The following DPYSL4 variants were observed in gnomAD, a reference collection of about 807,000 sequenced individuals.
DPYSL4 encodes the protein dihydropyrimidinase-related protein 4.
Under a neutral mutation model 63.4 loss-of-function variants are expected in DPYSL4, and 43 were observed. The observed-to-expected ratio is 0.68, with a 90% confidence interval of 0.53 to 0.88. The LOEUF (loss-of-function observed/expected upper bound fraction) is 0.88. DPYSL4 is among the 40% of genes least tolerant of loss of function. The probability of loss-of-function intolerance (pLI) is 0.00; values close to 1 mark genes in which losing one functional copy is unlikely to be tolerated. For synonymous variants in DPYSL4, 353 were observed against 331.7 expected, an observed-to-expected ratio of 1.06 and a Z score of -0.70; for missense variants, 733 against 819.5, an observed-to-expected ratio of 0.89 and a Z score of 1.29.
chr10:132,205,048 G>A lies in DPYSL4; in HGVS notation c.*118G>A. The A allele has an allele frequency of 5.2e-6, 4 of 775,562 alleles. No individual in the cohort carries two copies. The highest frequency in any genetic ancestry group is 7.8e-6 in the Non-Finnish European group (4 of 513,658). 48.0% of individuals were successfully genotyped at this position (775,562 alleles called of 1,614,324 possible). A position where few individuals can be genotyped will look rare whatever the true frequency, so the allele number is the denominator to read the frequency against. On this transcript the variant is annotated 3_prime_UTR_variant, in exon 14 of 14. Coordinates refer to ENST00000338492, the MANE Select transcript of DPYSL4 (RefSeq NM_006426.3). ...TAGAAGTTTCTCGAAGGTGCTTGGC[G>A]GTCTTGCCTTCCCCCTCCCCACAGG... is the stretch of plus-strand genomic sequence containing the variant.
At chr10:132,191,401 G>A (rs1481997689) in intron 2 of DPYSL4, among the ~76,000 whole-genome samples, 3 of 118,316 alleles carry the variant, frequency 2.5e-5, no homozygotes, top group African/African-American at 3.1e-5. Flanking sequence ...ATCCAGGCAG[G>A]TGCAAATAGT....
intron 12 of DPYSL4, chr10:132,203,521 A>C (rs561510078): frequency 3.9e-5 from 21 of 543,908 alleles, no homozygotes; most frequent in African/African-American, 3.2e-4. Flanking sequence ...ACACATGCAG[A>C]TGGGACCGCA....
chr10:132,205,571 A>AGTT lies in DPYSL4; in HGVS notation c.*642_*644dup, dbSNP rs2062086648. The AGTT allele has an allele frequency of 6.6e-6, 1 of 152,496 alleles. No individual in the cohort carries two copies. The highest frequency in any genetic ancestry group is 1.5e-5 in the Non-Finnish European group (1 of 68,122). 9.4% of individuals were successfully genotyped at this position (152,496 alleles called of 1,614,324 possible). ...CTTCCATGTAGCCCTCATCCAGGGA[A>AGTT]GTTTTGCGATCCTTTAGGAAGACAC... On this transcript the variant is annotated 3_prime_UTR_variant, in exon 14 of 14. Coordinates refer to ENST00000338492, the MANE Select transcript of DPYSL4 (RefSeq NM_006426.3).
rs1237967292 is a variant in DPYSL4 at position 132,201,131 on chromosome 10, C to T, written c.1110+148C>T. The T allele has an allele frequency of 2.5e-6, 3 of 1,198,230 alleles. No homozygotes were observed. The East Asian group carries it at 7.8e-5, about 31-fold the overall frequency. 74.2% of individuals were successfully genotyped at this position (1,198,230 alleles called of 1,614,324 possible). On this transcript the variant is annotated intron_variant, in intron 10 of 13. Coordinates refer to ENST00000338492, the MANE Select transcript of DPYSL4 (RefSeq NM_006426.3). The stretch of plus-strand genomic sequence containing the variant: ...GCTCCGGGGTGGCGGATTCCCCACC[C>T]AGGGCGCCTCAGACACGTGGTTCTG...
At position 132,187,015 on chromosome 10, in the gene DPYSL4, C is replaced by CCCCCTTT; in HGVS notation, c.-48_-47insCCCTTTC. On this transcript the variant is annotated 5_prime_UTR_variant, in exon 1 of 14. Transcript: ENST00000338492. Reference sequence around the variant, plus strand: ...CGCGTCCCCCCGCCCGCCCGCCCGCCCGCCCGCCCCCGCTTGTGCCGCCCC... The same window carrying CCCCCTTT: ...CGCGTCCCCCCGCCCGCCCGCCCGCCCCCCTTTCGCCCGCCCCCGCTTGTGCCGCCCC... 1 of 221,846 alleles carries CCCCCTTT rather than the reference C, an allele frequency of 4.5e-6. No individual in the cohort carries two copies. The highest frequency in any genetic ancestry group is 9.1e-5 in the South Asian group (1 of 11,044). 13.7% of individuals were successfully genotyped at this position (221,846 alleles called of 1,614,324 possible).
chr10:132,195,774 C>T (rs2061935002), intron 4 of DPYSL4, among the ~76,000 whole-genome samples: 1 of 152,262 alleles, frequency 6.6e-6, no homozygotes, highest in Admixed American at 6.5e-5. Flanking sequence ...TCCTCAGTCC[C>T]TGGGCCTCAC....
chr10:132,204,518 G>A (rs557864120), intron 13 of DPYSL4, among the ~76,000 whole-genome samples: 4 of 152,296 alleles, frequency 2.6e-5, no homozygotes, highest in African/African-American at 9.6e-5. Context: ...GGAGGCCAGG[G>A]GCAGCCTTTC....
In DPYSL4 at chr10:132,187,110, C is replaced by G. The variant is rs1315269758; in HGVS notation, c.39+8C>G. 2 of 1,528,752 alleles carry G rather than the reference C, an allele frequency of 1.3e-6. No individual in the cohort carries two copies. The highest frequency in any genetic ancestry group is 1.8e-6 in the Non-Finnish European group (2 of 1,133,398). 94.7% of individuals were successfully genotyped at this position (1,528,752 alleles called of 1,614,324 possible). A position where few individuals can be genotyped will look rare whatever the true frequency, so the allele number is the denominator to read the frequency against. ...AGCATCCCCCGGATCACGGTGAGCC[C>G]GGTCCCGCTTCGCCCGGCGCCCCCT... is the stretch of plus-strand genomic sequence containing the variant. On this transcript the variant is annotated splice_region_variant and intron_variant, in intron 1 of 13. Coordinates refer to ENST00000338492, the MANE Select transcript of DPYSL4 (RefSeq NM_006426.3).
At position 132,202,776 on chromosome 10, in the gene DPYSL4, G is replaced by T; in HGVS notation, c.1412G>T (p.Arg471Leu). ...CCGGGGGCGGGCCGCTTCGTCCCTC[G>T]GAAAACATTCCCGGACTTTGTCTAC... Reference protein sequence around the residue: ...VTPGAGRFVPRKTFPDFVYKR... With the variant: ...VTPGAGRFVPLKTFPDFVYKR... Residue 471 changes from arginine to leucine, a missense_variant, in exon 12 of 14, where the codon CGG (arginine) becomes CTG (leucine). Coordinates refer to ENST00000338492, the MANE Select transcript of DPYSL4 (RefSeq NM_006426.3). The T allele has an allele frequency of 1.2e-6, 2 of 1,611,736 alleles. No individual in the cohort carries two copies. Among genetic ancestry groups the T allele is most frequent in the Non-Finnish European group, 1.7e-6 (2 of 1,179,214 alleles).
In DPYSL4 at chr10:132,203,858, G is replaced by A. The variant is rs368715006; in HGVS notation, c.1558G>A (p.Ala520Thr). 5.1e-5 allele frequency: 82 copies of A among 1,613,028 alleles called. No individual in the cohort carries two copies. Among genetic ancestry groups the A allele is most frequent in the South Asian group, 8.8e-5 (8 of 91,068 alleles). Reference sequence around the variant, plus strand: ...GCCAGGGAGTGGCGCTCCGGCCCGCGCGTCCTGCCCAGGCAAGATCTCCGT... The same window carrying A: ...GCCAGGGAGTGGCGCTCCGGCCCGCACGTCCTGCCCAGGCAAGATCTCCGT... Reference protein sequence around the residue: ...AKPGSGAPARASCPGKISVPP... With the variant: ...AKPGSGAPARTSCPGKISVPP... The change falls in exon 13 of 14, where the codon GCG becomes ACG. Residue 520 changes from alanine to threonine, a missense_variant. By Grantham distance (58) the Ala-to-Thr change is moderately conservative (BLOSUM62 0). Coordinates refer to ENST00000338492, the MANE Select transcript of DPYSL4 (RefSeq NM_006426.3).
chr10:132,202,176 C>T, intron 11 of DPYSL4, 60 bp downstream of exon 11: 1 of 1,570,106 alleles, frequency 6.4e-7, no homozygotes, highest in Non-Finnish European at 8.6e-7. Flanking sequence ...CCCAGGGCAG[C>T]CTTCCCAGGA....
At position 132,200,364 on chromosome 10, in the gene DPYSL4, G is replaced by C; in HGVS notation, c.820G>C (p.Val274Leu). Residue 274 changes from valine (V) to leucine (L), a missense_variant, in exon 9 of 14, where the codon GTG (valine) becomes CTG (leucine). Val to Leu is a conservative substitution (Grantham distance 32). Transcript: ENST00000338492. ...IAQAKRRGVV[V>L]FGEPITASLG... ...TGGGCCTCGTGCTGCAGGGGTGGTC[G>C]TGTTTGGGGAGCCCATCACCGCCAG... The C allele has an allele frequency of 6.2e-7, 1 of 1,613,222 alleles. No individual in the cohort carries two copies. The highest frequency in any genetic ancestry group is 8.5e-7 in the Non-Finnish European group (1 of 1,179,852).
chr10:132,202,898 C>T, intron 12 of DPYSL4, 73 bp downstream of exon 12: 1 of 1,498,242 alleles, frequency 6.7e-7, no homozygotes, highest in Non-Finnish European at 8.9e-7. Context: ...GAACGCACCC[C>T]TGGTCAACCT....
intron 11 of DPYSL4, among the ~76,000 whole-genome samples, 177 bp from the exon 12 acceptor site, chr10:132,202,469 A>AG (rs554678744): frequency 3.9e-5 from 6 of 152,186 alleles, no homozygotes; most frequent in East Asian, 1.9e-4. Flanking sequence ...CCGTAGGCCG[A>AG]GGGGGGGCAT....
chr10:132,201,001 C>CG lies in DPYSL4; in HGVS notation c.1110+22dup, dbSNP rs35514967. 1 of 1,610,738 alleles carries CG rather than the reference C, an allele frequency of 6.2e-7. No individual in the cohort carries two copies. Among genetic ancestry groups the CG allele is most frequent in the Non-Finnish European group, 8.5e-7 (1 of 1,178,762 alleles). ...AATGTGTGGTGAGCACAGGCCTGGC[C>CG]GGGGCACGCCGTCTGGGGAGCGGCT... On this transcript the variant is annotated intron_variant, in intron 10 of 13. Coordinates refer to ENST00000338492, the MANE Select transcript of DPYSL4 (RefSeq NM_006426.3).
intron 11 of DPYSL4, 100 bp downstream of exon 11, chr10:132,202,216 C>G: frequency 6.9e-7 from 1 of 1,451,504 alleles, no homozygotes; most frequent in Non-Finnish European, 9.2e-7. Flanking sequence ...CACGTGGCAG[C>G]AGCAGTGGCC....
chr10:132,202,254 C>A, intron 11 of DPYSL4, 138 bp downstream of exon 11: 1 of 1,150,726 alleles, frequency 8.7e-7, no homozygotes, highest in Non-Finnish European at 1.2e-6. Context: ...GTCCACACAG[C>A]CTGTCCCAGG....
At position 132,204,978 on chromosome 10, in the gene DPYSL4, C is replaced by A. The variant is rs774853687; in HGVS notation, c.*48C>A. ...GCCGTGCTGGCCCCACCCGAGGCCGCGGGGGCCCCAGGGCACTCGCCCCCC... is the reference window on the plus strand; with the variant it reads ...GCCGTGCTGGCCCCACCCGAGGCCGAGGGGGCCCCAGGGCACTCGCCCCCC... On this transcript the variant is annotated 3_prime_UTR_variant, in exon 14 of 14. Coordinates refer to ENST00000338492, the MANE Select transcript of DPYSL4 (RefSeq NM_006426.3). 1.3e-6 allele frequency: 2 copies of A among 1,514,598 alleles called. No homozygotes were observed. Among genetic ancestry groups the A allele is most frequent in the South Asian group, 1.2e-5 (1 of 80,542 alleles). The allele number at this position is 1,514,598 out of a possible 1,614,324, so 93.8% of individuals were successfully genotyped here. A position where few individuals can be genotyped will look rare whatever the true frequency, so the allele number is the denominator to read the frequency against.
chr10:132,187,059 G>T lies in DPYSL4; in HGVS notation c.-5G>T, dbSNP rs371429633. The stretch of plus-strand genomic sequence containing the variant: ...CCGCCCCTACCAGAGACCCCCAGGA[G>T]CAGGATGTCCTTCCAGGGCAAGAAA... On this transcript the variant is annotated 5_prime_UTR_variant, in exon 1 of 14. Coordinates refer to ENST00000338492, the MANE Select transcript of DPYSL4 (RefSeq NM_006426.3). The T allele has an allele frequency of 7.9e-7, 1 of 1,262,578 alleles. No individual in the cohort carries two copies. The highest frequency in any genetic ancestry group is 1.3e-5 in the South Asian group (1 of 74,410). 78.2% of individuals were successfully genotyped at this position (1,262,578 alleles called of 1,614,324 possible).
Sources: allele counts gnomAD v4.1 joint callset (sites outside exome capture counted in the v4.1 genomes callset), GRCh38; gene constraint gnomAD v4.1.1; transcripts MANE v1.5; gene names NCBI Gene and HGNC (gene_info 2026-07-23, HGNC 2026-07-21).